XIRP2: variants seen among roughly 807,000 people sequenced by gnomAD.
XIRP2 encodes xin actin binding repeat containing 2.
XIRP2 carries 236 observed loss-of-function variants against 277.0 expected under a neutral mutation model. The observed-to-expected ratio is 0.85, with a 90% CI of 0.77 to 0.95. The LOEUF (loss-of-function observed/expected upper bound fraction) is 0.95. Ranked by LOEUF, XIRP2 falls within the 40% of genes least tolerant of loss-of-function variation. The pLI is 0.00. For missense variants in XIRP2, 4,640 were observed against 4,157.5 expected (o/e 1.12, Z -3.19); for synonymous variants, 1,490 against 1,416.5 (o/e 1.05, Z -1.17).
intron 2 of XIRP2, among the ~76,000 whole-genome samples, chr2:167,084,876 T>C (rs1362502116): frequency 6.6e-6 from 1 of 151,836 alleles, no homozygotes; most frequent in African/African-American, 2.4e-5. Context: ...CTTTTGTTGA[T>C]CCTTTCAAAA....
chr2:166,939,773 C>T (rs1685647205), intron 2 of XIRP2, among the ~76,000 whole-genome samples: 1 of 151,350 alleles, frequency 6.6e-6, no homozygotes, highest in African/African-American at 2.4e-5. Flanking sequence ...TGAATATTGG[C>T]CCCCACTCTC....
chr2:167,004,618 A>G (rs1687458891), intron 2 of XIRP2, among the ~76,000 whole-genome samples: 1 of 151,870 alleles, frequency 6.6e-6, no homozygotes. Context: ...AAAGGAGGAC[A>G]AGACAAAGGC....
intron 2 of XIRP2, among the ~76,000 whole-genome samples, chr2:167,015,409 A>G (rs1451494462): frequency 1.4e-5 from 2 of 140,818 alleles, no homozygotes; most frequent in African/African-American, 5.4e-5. Flanking sequence ...GATGTTGATT[A>G]TCTGTCTTTT....
chr2:166,906,363 T>C (rs999315683), intron 2 of XIRP2, among the ~76,000 whole-genome samples: 8 of 152,018 alleles, frequency 5.3e-5, no homozygotes, highest in Non-Finnish European at 1.2e-4. Flanking sequence ...TAAATAGACA[T>C]ACATAAACAT....
chr2:166,950,057 T>C (rs1437690122), intron 2 of XIRP2, among the ~76,000 whole-genome samples: 1 of 152,028 alleles, frequency 6.6e-6, no homozygotes, highest in Non-Finnish European at 1.5e-5. Context: ...TCAGTATAAA[T>C]AGTACTAGTG....
chr2:167,209,149 T>C lies in XIRP2; in HGVS notation c.563-1586T>C, dbSNP rs368876143. Among the ~76,000 whole-genome samples the C allele has an allele frequency of 1.1e-3, 169 of 152,358 alleles. 4 individuals are homozygous for C. The South Asian group carries it at 0.034, about 31-fold the overall frequency. ...TACAATCAGCATTCATATAATACCA[T>C]GTCTTATTCCTTTATACTTTGTATC... On this transcript the variant is annotated intron_variant, in intron 3 of 10. Transcript: ENST00000409195.
intron 2 of XIRP2, among the ~76,000 whole-genome samples, chr2:166,981,426 C>CTT (rs35594771): frequency 9.0e-5 from 13 of 144,820 alleles, no homozygotes; most frequent in East Asian, 4.0e-4. Flanking sequence ...TGCTCTTCTT[C>CTT]TTTTTTTTTT....
intron 2 of XIRP2, among the ~76,000 whole-genome samples, chr2:166,947,689 C>T (rs1354458652): frequency 1.3e-5 from 2 of 152,106 alleles, no homozygotes; most frequent in African/African-American, 4.8e-5. Context: ...CTTTGGAAGG[C>T]AGTTTGGTGG....
intron 2 of XIRP2, among the ~76,000 whole-genome samples, chr2:167,076,205 G>A (rs1558970331): frequency 6.6e-6 from 1 of 152,092 alleles, no homozygotes; most frequent in South Asian, 2.1e-4. Context: ...AAATTGTTAG[G>A]TGTTCAAATG....
At chr2:167,018,608 G>A (rs1232430304) in intron 2 of XIRP2, among the ~76,000 whole-genome samples, 1 of 151,900 alleles carries the variant, frequency 6.6e-6, no homozygotes, top group South Asian at 2.1e-4. Flanking sequence ...CCACAAGAAT[G>A]GACCCAAATA....
chr2:166,910,446 A>G (rs1159364236), intron 2 of XIRP2, among the ~76,000 whole-genome samples: 1 of 151,912 alleles, frequency 6.6e-6, no homozygotes, highest in Non-Finnish European at 1.5e-5. Flanking sequence ...TTTCTGTGGG[A>G]TCGGTGGTGA....
intron 1 of XIRP2, among the ~76,000 whole-genome samples, chr2:166,894,194 A>G (rs1043294645): frequency 1.3e-5 from 2 of 152,154 alleles, no homozygotes; most frequent in Non-Finnish European, 2.9e-5. Context: ...AGAGATCACA[A>G]AATATTAGAA....
At chr2:167,228,246 G>C (rs1420970381) in intron 5 of XIRP2, among the ~76,000 whole-genome samples, 2 of 152,160 alleles carry the variant, frequency 1.3e-5, no homozygotes, top group Non-Finnish European at 2.9e-5. Context: ...GTTGCTAACT[G>C]TCTGCTGAGG....
intron 6 of XIRP2, 115 bp from the exon 7 acceptor site, chr2:167,240,549 C>A: frequency 1.2e-6 from 1 of 824,472 alleles, no homozygotes; most frequent in Non-Finnish European, 2.0e-6. Context: ...TAGCATCTCT[C>A]AATGTACACT....
At chr2:167,044,256 C>T (rs1023978575) in intron 2 of XIRP2, among the ~76,000 whole-genome samples, 19 of 151,890 alleles carry the variant, frequency 1.3e-4, no homozygotes, top group Non-Finnish European at 4.4e-5. Flanking sequence ...ACAAACTAGA[C>T]ATCAAAGTAA....
Position 167,244,189 on chromosome 2 carries a change from C to A in XIRP2, c.2797C>A (p.Arg933=), listed in dbSNP as rs765714672. Residue 933 remains arginine (R), a synonymous_variant, in exon 9 of 11, where the codon CGA becomes AGA. Coordinates refer to ENST00000409195, the MANE Select transcript of XIRP2 (RefSeq NM_152381.6). ...DIRKDKKEYT[R]TVKLEEVDRG... ...TAGAAAAGATAAAAAGGAGTACACA[C>A]GAACAGTGAAACTTGAAGAAGTTGA... 2 of 1,613,438 alleles carry A rather than the reference C, an allele frequency of 1.2e-6. No homozygotes were observed. The highest frequency in any genetic ancestry group is 8.5e-7 in the Non-Finnish European group (1 of 1,179,780).
intron 4 of XIRP2, among the ~76,000 whole-genome samples, chr2:167,212,913 G>GCA (rs58755599): frequency 0.22 from 8,155 of 36,246 alleles, 330 homozygotes; most frequent in African/African-American, 0.31. Context: ...CCACCCCTCT[G>GCA]CACACACACA....
At chr2:167,225,330 A>G (rs948701219) in intron 5 of XIRP2, among the ~76,000 whole-genome samples, 4 of 152,160 alleles carry the variant, frequency 2.6e-5, no homozygotes, top group Non-Finnish European at 5.9e-5. Flanking sequence ...GATTTTTTTC[A>G]ATGCTTACAA....
chr2:166,932,158 T>A (rs1384039910), intron 2 of XIRP2, among the ~76,000 whole-genome samples: 1 of 152,078 alleles, frequency 6.6e-6, no homozygotes, highest in Non-Finnish European at 1.5e-5. Flanking sequence ...ATGAGTCATT[T>A]CCCAGATTAT....
Sources: gnomAD v4.1 joint callset for allele counts (sites outside exome capture counted in the v4.1 genomes callset) on GRCh38, gnomAD v4.1.1 for gene constraint, MANE v1.5 for transcripts, NCBI Gene and HGNC (gene_info 2026-07-23, HGNC 2026-07-21) for gene names.